Variants in FHOD3 observed in about 807,000 individuals in gnomAD.
The protein encoded by FHOD3 is FH1/FH2 domain-containing protein 3.
A neutral mutation model predicts 173.0 loss-of-function variants in FHOD3; 90 were observed. The observed-to-expected ratio is 0.52, with a 90% CI of 0.44 to 0.62. FHOD3 has a LOEUF of 0.62. Among genes scored for constraint, FHOD3 ranks in the 20% least tolerant of loss-of-function variants. The pLI is 0.00. For missense variants in FHOD3, 1,945 were observed against 2,034.7 expected, an observed-to-expected ratio of 0.96 and a Z score of 0.85; for synonymous variants, 828 against 823.0, an observed-to-expected ratio of 1.01 and a Z score of -0.10.
chr18:36,314,175 C>G (rs2092314586), intron 1 of FHOD3, among the ~76,000 whole-genome samples: 2 of 152,198 alleles, frequency 1.3e-5, no homozygotes, highest in African/African-American at 2.4e-5. Flanking sequence ...TCCCAAAGCC[C>G]TGTTATGGAT....
intron 5 of FHOD3, among the ~76,000 whole-genome samples, chr18:36,573,760 G>A (rs989392575): frequency 3.9e-5 from 6 of 152,130 alleles, no homozygotes; most frequent in African/African-American, 1.4e-4. Flanking sequence ...GACTGTGTAC[G>A]CTGAGTTCTA....
chr18:36,388,614 A>C (rs909642876), intron 3 of FHOD3, among the ~76,000 whole-genome samples: 1 of 152,142 alleles, frequency 6.6e-6, no homozygotes, highest in African/African-American at 2.4e-5. Flanking sequence ...CCCAATGCAG[A>C]TCCATCCCCA....
rs2054184922 is a variant in FHOD3, at chr18:36,486,207, A to T, written c.338-15725A>T. 2.6e-5 allele frequency among the ~76,000 whole-genome samples: 4 copies of T among 152,082 alleles called. No individual in the cohort carries two copies. The South Asian group carries it at 8.3e-4, about 32-fold the overall frequency. ...CTGGATGGTTCTGTCTACATCCACC[A>T]CTTTGGCCCCAACTGGCTTCTCCTC... On this transcript the variant is annotated intron_variant, in intron 3 of 28. Transcript: ENST00000590592.
At chr18:36,731,022 T>C (rs551979833) in intron 20 of FHOD3, among the ~76,000 whole-genome samples, 2 of 152,314 alleles carry the variant, frequency 1.3e-5, no homozygotes, top group African/African-American at 4.8e-5. Context: ...CATTTACCAG[T>C]CTGCCTCTGA....
chr18:36,471,585 A>G (rs1375235122), intron 3 of FHOD3, among the ~76,000 whole-genome samples: 1 of 152,152 alleles, frequency 6.6e-6, no homozygotes, highest in East Asian at 1.9e-4. Flanking sequence ...CACTTCTCCA[A>G]GCAAAGACTC....
chr18:36,717,607 A>C (rs537296173), intron 18 of FHOD3, among the ~76,000 whole-genome samples: 2 of 152,274 alleles, frequency 1.3e-5, no homozygotes, highest in African/African-American at 4.8e-5. Context: ...AGCCAGGAGC[A>C]GCGTCATGCC....
intron 19 of FHOD3, among the ~76,000 whole-genome samples, chr18:36,729,383 T>C (rs2041238270): frequency 6.6e-6 from 1 of 152,236 alleles, no homozygotes; most frequent in South Asian, 2.1e-4. Flanking sequence ...GGGGGCCTTG[T>C]GGTCACAGCT....
chr18:36,399,905 GGCCAGGCCTGAGGGTT>G (rs1327567187), intron 3 of FHOD3, among the ~76,000 whole-genome samples: 16 of 152,230 alleles, frequency 1.1e-4, no homozygotes, highest in African/African-American at 3.6e-4. Flanking sequence ...TGGCCCAACA[GGCCAGGCCTGAGGGTT>G]CAGGCAGAAT....
intron 10 of FHOD3, among the ~76,000 whole-genome samples, chr18:36,640,337 T>C (rs1180278182): frequency 2.6e-5 from 4 of 152,196 alleles, no homozygotes; most frequent in African/African-American, 7.2e-5. Flanking sequence ...TTAAGTGAAA[T>C]CACTGATTCA....
intron 18 of FHOD3, among the ~76,000 whole-genome samples, chr18:36,715,967 A>G (rs779892731): frequency 6.6e-6 from 1 of 152,212 alleles, no homozygotes; most frequent in Non-Finnish European, 1.5e-5. Context: ...GCTGTAGCTA[A>G]CGAGGTTTAT....
intron 1 of FHOD3, among the ~76,000 whole-genome samples, chr18:36,308,019 A>G (rs1217560576): frequency 2.0e-5 from 3 of 152,176 alleles, no homozygotes; most frequent in African/African-American, 7.2e-5. Context: ...TGTATGTACC[A>G]TGATCCATGT....
At position 36,709,097 on chromosome 18, in the gene FHOD3, A is replaced by T. The variant is rs751668460; in HGVS notation, c.2239A>T (p.Ser747Cys). 24 of 1,611,560 alleles carry T rather than the reference A, an allele frequency of 1.5e-5. No homozygotes were observed. The South Asian group carries it at 2.0e-4, about 13-fold the overall frequency. Residue 747 changes from serine to cysteine, a missense_variant and splice_region_variant, in exon 18 of 29, where the codon AGT becomes TGT. Physicochemically the swap from Ser to Cys is moderately radical, Grantham distance 112 (BLOSUM62 -1). This residue lies in a region of FHOD3 where 1,099 missense variants were observed against 1,051.2 expected (regional missense o/e 1.05). Coordinates refer to ENST00000590592, the MANE Select transcript of FHOD3 (RefSeq NM_001281740.3). ...SPGTPHHPQA[S>C]AGDPEPESEA... Reference sequence around the variant, plus strand: ...ATCTCCATTGTTGTCTCCACCAGCAAGTGCCGGGGATCCTGAACCCGAATC... The same window carrying T: ...ATCTCCATTGTTGTCTCCACCAGCATGTGCCGGGGATCCTGAACCCGAATC...
chr18:36,528,809 C>T (rs920099872), intron 5 of FHOD3, among the ~76,000 whole-genome samples: 13 of 152,220 alleles, frequency 8.5e-5, no homozygotes, highest in Non-Finnish European at 1.6e-4. Flanking sequence ...CGTTGTACAG[C>T]TCTGCCCTTT....
At chr18:36,442,094 T>G (rs964899690) in intron 3 of FHOD3, among the ~76,000 whole-genome samples, 16 of 152,308 alleles carry the variant, frequency 1.1e-4, no homozygotes, top group African/African-American at 3.4e-4. Context: ...ACTGGAATAC[T>G]TAGGAACTTC....
At chr18:36,546,335 T>C (rs1476599526) in intron 5 of FHOD3, among the ~76,000 whole-genome samples, 1 of 152,238 alleles carries the variant, frequency 6.6e-6, no homozygotes, top group African/African-American at 2.4e-5. Context: ...ATAGTTCCTT[T>C]TTTTTGTCGC....
intron 3 of FHOD3, among the ~76,000 whole-genome samples, chr18:36,427,131 A>T (rs1490035528): frequency 6.6e-6 from 1 of 152,082 alleles, no homozygotes; most frequent in African/African-American, 2.4e-5. Flanking sequence ...AATAATGGAG[A>T]TCTTATATTT....
intron 20 of FHOD3, among the ~76,000 whole-genome samples, chr18:36,734,380 C>T (rs2041526374): frequency 6.6e-6 from 1 of 152,108 alleles, no homozygotes; most frequent in Non-Finnish European, 1.5e-5. Flanking sequence ...TAACACCTAC[C>T]CTCCCCCCAC....
intron 1 of FHOD3, among the ~76,000 whole-genome samples, chr18:36,335,582 A>G (rs567274271): frequency 6.6e-6 from 1 of 152,182 alleles, no homozygotes; most frequent in Non-Finnish European, 1.5e-5. Flanking sequence ...GCTGTCCTGG[A>G]TAGCATGGAG....
At position 36,589,110 on chromosome 18, in the gene FHOD3, C is replaced by G. The variant is rs563527867; in HGVS notation, c.607-5677C>G. On this transcript the variant is annotated intron_variant, in intron 6 of 28. Transcript: ENST00000590592. ...ATGATAGCTGCAATAGAAAGTAAAG[C>G]TCAGCTCAGTAACCCCCAAAATGTG... Among the ~76,000 whole-genome samples the G allele has an allele frequency of 5.8e-4, 88 of 152,290 alleles. 1 individual carries two copies. The South Asian group carries it at 0.018, about 31-fold the overall frequency.
Sources: gnomAD v4.1 joint callset for allele counts (sites outside exome capture counted in the v4.1 genomes callset) on GRCh38, gnomAD v4.1.1 for gene constraint, gnomAD v4.1.1 regional missense constraint, MANE v1.5 for transcripts, NCBI Gene and HGNC (gene_info 2026-07-23, HGNC 2026-07-21) for gene names.